Variants in ZNF776 observed in about 807,000 individuals in gnomAD.
ZNF776 encodes zinc finger protein 776.
ZNF776 carries 4 observed loss-of-function variants against 7.0 expected under a neutral mutation model. The observed-to-expected ratio is 0.57, with a 90% confidence interval of 0.28 to 1.31. The LOEUF (loss-of-function observed/expected upper bound fraction) is 1.31. ZNF776 is among the 50% of genes most tolerant of loss of function. The pLI is 0.10. For synonymous variants in ZNF776, 212 were observed against 213.7 expected, an observed-to-expected ratio of 0.99 and a Z score of 0.07; for missense variants, 555 against 625.9, an observed-to-expected ratio of 0.89 and a Z score of 1.21.
rs1986808561 is a variant in ZNF776, at chr19:57,757,397, A to G, written c.*2710A>G. ...ACCAAAAAGCCATCCCTGAATTAGT[A>G]GGAGGAAGAGGATAGGGAGAAAGGA... On this transcript the variant is annotated 3_prime_UTR_variant, in exon 3 of 3. Coordinates refer to ENST00000317178, the MANE Select transcript of ZNF776 (RefSeq NM_173632.4). 6.6e-6 allele frequency: 1 copy of G among 152,276 alleles called. No individual in the cohort carries two copies. The highest frequency in any genetic ancestry group is 2.4e-5 in the African/African-American group (1 of 41,416). The allele number at this position is 152,276 out of a possible 1,614,324, so 9.4% of individuals were successfully genotyped here.
chr19:57,756,659 T>C lies in ZNF776; in HGVS notation c.*1972T>C, dbSNP rs773628244. The C allele has an allele frequency of 4.4e-4, 81 of 185,592 alleles. No homozygotes were observed. Among genetic ancestry groups the C allele is most frequent in the Non-Finnish European group, 6.0e-4 (51 of 85,286 alleles). 11.5% of individuals were successfully genotyped at this position (185,592 alleles called of 1,614,324 possible). A position where few individuals can be genotyped will look rare whatever the true frequency, so the allele number is the denominator to read the frequency against. The stretch of plus-strand genomic sequence containing the variant: ...TAAATCAACCTGAGTAGGGGACAGT[T>C]TTAGTGACACACTTTGGTGCTTCTG... On this transcript the variant is annotated 3_prime_UTR_variant, in exon 3 of 3. Coordinates refer to ENST00000317178, the MANE Select transcript of ZNF776 (RefSeq NM_173632.4).
At chr19:57,747,749 A>C (rs1986479863) in intron 1 of ZNF776, among the ~76,000 whole-genome samples, 1 of 152,050 alleles carries the variant, frequency 6.6e-6, no homozygotes, top group African/African-American at 2.4e-5. Flanking sequence ...GCACTTGCAG[A>C]ACCTCCGCAG....
chr19:57,753,396 T>C lies in ZNF776; in HGVS notation c.266T>C (p.Val89Ala), dbSNP rs1303708252. ...TGGACAGGTGTATGTACCAAGAAGG[T>C]CCACCTCTGGGGAATGTGTGGCCCT... ...THWTGVCTKKVHLWGMCGPLL... is the reference protein window; with the variant it reads ...THWTGVCTKKAHLWGMCGPLL... The change falls in exon 3 of 3, where the codon GTC (valine) becomes GCC (alanine). Residue 89 changes from valine to alanine, a missense_variant. By Grantham distance (64) the Val-to-Ala change is moderately conservative. Transcript: ENST00000317178. 1.2e-6 allele frequency: 2 copies of C among 1,614,146 alleles called. No homozygotes were observed. Among genetic ancestry groups the C allele is most frequent in the East Asian group, 2.2e-5 (1 of 44,866 alleles).
chr19:57,751,924 T>G (rs1177316852), intron 2 of ZNF776, among the ~76,000 whole-genome samples: 1 of 129,956 alleles, frequency 7.7e-6, no homozygotes, highest in Non-Finnish European at 1.6e-5. Flanking sequence ...CAGGCTGGAG[T>G]GCAGTGGCCC....
intron 2 of ZNF776, among the ~76,000 whole-genome samples, chr19:57,751,878 T>TG (rs1275836180): frequency 6.5e-5 from 7 of 108,526 alleles, no homozygotes; most frequent in African/African-American, 4.1e-4. Flanking sequence ...GTTTTTTTTT[T>TG]TTTTTTTTTT....
Position 57,755,783 on chromosome 19 carries a change from C to T in ZNF776, c.*1096C>T, listed in dbSNP as rs1379937682. The T allele has an allele frequency of 6.6e-6, 1 of 152,240 alleles. No individual in the cohort carries two copies. Among genetic ancestry groups the T allele is most frequent in the African/African-American group, 2.4e-5 (1 of 41,454 alleles). The allele number at this position is 152,240 out of a possible 1,614,324, so 9.4% of individuals were successfully genotyped here. A position where few individuals can be genotyped will look rare whatever the true frequency, so the allele number is the denominator to read the frequency against. ...GTCTCTGGCAAAAGCCATTTCATCT[C>T]TACCACTTGGCAGGTACCTACAGTG... On this transcript the variant is annotated 3_prime_UTR_variant, in exon 3 of 3. Coordinates refer to ENST00000317178, the MANE Select transcript of ZNF776 (RefSeq NM_173632.4).
intron 1 of ZNF776, 150 bp downstream of exon 1, chr19:57,747,241 C>T (rs1182807528): frequency 2.6e-6 from 2 of 773,726 alleles, no homozygotes; most frequent in East Asian, 5.8e-5. Flanking sequence ...TTTTGACACC[C>T]GCGGGATGCG....
Position 57,753,785 on chromosome 19 carries a change from A to G in ZNF776, c.655A>G (p.Asn219Asp). The G allele has an allele frequency of 6.2e-7, 1 of 1,614,216 alleles. No individual in the cohort carries two copies. The highest frequency in any genetic ancestry group is 8.5e-7 in the Non-Finnish European group (1 of 1,180,044). Reference sequence around the variant, plus strand: ...TGGAGAGTCCACAATACCGTTTAGCAACAAACACTCACTTGTCCTTCACCA... The same window carrying G: ...TGGAGAGTCCACAATACCGTTTAGCGACAAACACTCACTTGTCCTTCACCA... ...ICGESTIPFS[N>D]KHSLVLHQRL... Residue 219 changes from asparagine to aspartate, a missense_variant, in exon 3 of 3, where the codon AAC becomes GAC. Asn to Asp is a conservative substitution (Grantham distance 23). Coordinates refer to ENST00000317178, the MANE Select transcript of ZNF776 (RefSeq NM_173632.4).
At position 57,753,827 on chromosome 19, in the gene ZNF776, GA is replaced by G; in HGVS notation, c.699del (p.Gly234AspfsTer158). On this transcript the variant is annotated frameshift_variant, in exon 3 of 3. Coordinates refer to ENST00000317178, the MANE Select transcript of ZNF776 (RefSeq NM_173632.4). LOFTEE classifies it low-confidence loss of function (END_TRUNC). ...CCTTCACCAGAGACTTCTCCCTAGA[GA>G]AGGACCTTATGTATGCAGTGATTCT... ...LVLHQRLLPR[E>X]GPYVCSDSGK... 6.2e-7 allele frequency: 1 copy of G among 1,614,214 alleles called. No individual in the cohort carries two copies. The highest frequency in any genetic ancestry group is 8.5e-7 in the Non-Finnish European group (1 of 1,180,032).
At position 57,750,768 on chromosome 19, in the gene ZNF776, T is replaced by C; in HGVS notation, c.34-17T>C. ...CATATGGAGTGTTTGTGGTTTCATCTGTCATCATCACGGCAGGGCACTGTG... is the reference window on the plus strand; with the variant it reads ...CATATGGAGTGTTTGTGGTTTCATCCGTCATCATCACGGCAGGGCACTGTG... On this transcript the variant is annotated splice_polypyrimidine_tract_variant and intron_variant, in intron 1 of 2. Transcript: ENST00000317178. 6.2e-7 allele frequency: 1 copy of C among 1,606,914 alleles called. No homozygotes were observed. Among genetic ancestry groups the C allele is most frequent in the Non-Finnish European group, 8.5e-7 (1 of 1,176,100 alleles).
chr19:57,747,466 C>T (rs192960248), intron 1 of ZNF776, among the ~76,000 whole-genome samples: 2 of 152,280 alleles, frequency 1.3e-5, no homozygotes, highest in Admixed American at 6.5e-5. Flanking sequence ...GATCAATGTC[C>T]AGGCTTTAAA....
Position 57,754,814 on chromosome 19 carries a change from A to G in ZNF776, c.*127A>G, listed in dbSNP as rs1225824676. The G allele has an allele frequency of 2.2e-6, 2 of 912,632 alleles. No individual in the cohort carries two copies. Among genetic ancestry groups the G allele is most frequent in the East Asian group, 2.6e-5 (1 of 38,782 alleles). 56.5% of individuals were successfully genotyped at this position (912,632 alleles called of 1,614,324 possible). A position where few individuals can be genotyped will look rare whatever the true frequency, so the allele number is the denominator to read the frequency against. The stretch of plus-strand genomic sequence containing the variant: ...GCCAAAAGGTTGGCCTCATTCAACA[A>G]TAGCAAGATCACACTGGGGAAAGGC... On this transcript the variant is annotated 3_prime_UTR_variant, in exon 3 of 3. Transcript: ENST00000317178.
rs1063854 is a variant in ZNF776 at position 57,757,058 on chromosome 19, A to C, written c.*2371A>C. On this transcript the variant is annotated 3_prime_UTR_variant, in exon 3 of 3. Transcript: ENST00000317178. ...GCTATTTTACCCTGACTGATGTTCA[A>C]CTCCTGGCCTCAAGTAATCCTCTAG... The C allele has an allele frequency of 3.7e-6, 1 of 273,592 alleles. No homozygotes were observed. Among genetic ancestry groups the C allele is most frequent in the Non-Finnish European group, 7.4e-6 (1 of 135,954 alleles). 16.9% of individuals were successfully genotyped at this position (273,592 alleles called of 1,614,324 possible).
Position 57,750,387 on chromosome 19 carries a change from A to G in ZNF776, c.34-398A>G, listed in dbSNP as rs1358423770. 6.0e-5 allele frequency among the ~76,000 whole-genome samples: 9 copies of G among 150,734 alleles called. No individual in the cohort carries two copies. In the South Asian group the frequency reaches 1.9e-3, roughly 32 times the overall value. ...ACAGAGGTTGCAGAGAGCTGAGATT[A>G]TGTCATTGCACTCCAGCCTGGGCAA... On this transcript the variant is annotated intron_variant, in intron 1 of 2. Transcript: ENST00000317178.
At position 57,753,811 on chromosome 19, in the gene ZNF776, G is replaced by T. The variant is rs553699656; in HGVS notation, c.681G>T (p.Gln227His). Residue 227 changes from glutamine (Q) to histidine (H), a missense_variant, in exon 3 of 3, where the codon CAG (glutamine) becomes CAT (histidine). Transcript: ENST00000317178. ...ACAAACACTCACTTGTCCTTCACCA[G>T]AGACTTCTCCCTAGAGAAGGACCTT... ...FSNKHSLVLH[Q>H]RLLPREGPYV... 2 of 1,614,238 alleles carry T rather than the reference G, an allele frequency of 1.2e-6. No homozygotes were observed. Among genetic ancestry groups the T allele is most frequent in the South Asian group, 2.2e-5 (2 of 91,086 alleles).
In ZNF776 at chr19:57,753,579, C is replaced by G; in HGVS notation, c.449C>G (p.Ser150Cys). The G allele has an allele frequency of 6.2e-7, 1 of 1,614,202 alleles. No homozygotes were observed. The highest frequency in any genetic ancestry group is 8.5e-7 in the Non-Finnish European group (1 of 1,180,038). The change falls in exon 3 of 3, where the codon TCT (serine) becomes TGT (cysteine). Residue 150 changes from serine (S) to cysteine (C), a missense_variant. Coordinates refer to ENST00000317178, the MANE Select transcript of ZNF776 (RefSeq NM_173632.4). ...TACAGAAGCAATGCCAAGGGAACAT[C>G]TTTTGTAAAGAACTGTAAATTCCAT... ...KSYRSNAKGT[S>C]FVKNCKFHMS...
intron 1 of ZNF776, 139 bp from the exon 2 acceptor site, chr19:57,750,646 T>G (rs185834631): frequency 8.9e-6 from 10 of 1,118,840 alleles, no homozygotes; most frequent in Admixed American, 8.7e-5. Flanking sequence ...CCATGACCAG[T>G]GAGCCCATGA....
rs1317330670 is a variant in ZNF776, at chr19:57,754,090, T to C, written c.960T>C (p.Tyr320=). The C allele has an allele frequency of 1.2e-6, 2 of 1,614,014 alleles. No homozygotes were observed. Among genetic ancestry groups the C allele is most frequent in the Non-Finnish European group, 1.7e-6 (2 of 1,180,022 alleles). The change falls in exon 3 of 3, where the codon TAT becomes TAC. Residue 320 remains tyrosine (Y), a synonymous_variant. Transcript: ENST00000317178. ...HQRVHTGERP[Y]ECDECGKSFS... is the part of the protein sequence containing the mutation. Reference sequence around the variant, plus strand: ...GAGTTCACACTGGAGAAAGACCTTATGAATGTGACGAATGTGGGAAATCTT... The same window carrying C: ...GAGTTCACACTGGAGAAAGACCTTACGAATGTGACGAATGTGGGAAATCTT...
rs1568476470 is a variant in ZNF776 at position 57,753,284 on chromosome 19, CT to C, written c.161-3del. The C allele has an allele frequency of 1.2e-6, 2 of 1,601,944 alleles. No individual in the cohort carries two copies. The highest frequency in any genetic ancestry group is 2.2e-5 in the South Asian group (2 of 89,796). ...CTTGCATTTTACCAGCATTTTATTT[CT>C]TTTAGGTTGTTGGTATGGAGCAAAA... On this transcript the variant is annotated splice_polypyrimidine_tract_variant and splice_region_variant and intron_variant, in intron 2 of 2. Coordinates refer to ENST00000317178, the MANE Select transcript of ZNF776 (RefSeq NM_173632.4).
Sources: allele counts gnomAD v4.1 joint callset (sites outside exome capture counted in the v4.1 genomes callset), GRCh38; gene constraint gnomAD v4.1.1; transcripts MANE v1.5; gene names NCBI Gene and HGNC (gene_info 2026-07-23, HGNC 2026-07-21).